The following PRDM6 variants were observed in gnomAD, a reference collection of about 807,000 sequenced individuals.
PRDM6 encodes the protein PR/SET domain 6.
A neutral mutation model predicts 60.8 loss-of-function variants in PRDM6; 25 were observed. The ratio of observed to expected loss-of-function variants is 0.41; its 90% CI spans 0.30 to 0.57. The LOEUF is 0.57. Among genes scored for constraint, PRDM6 ranks in the 20% least tolerant of loss-of-function variants. The pLI, the probability that PRDM6 is intolerant of heterozygous loss-of-function variation, is 0.27. For synonymous variants in PRDM6, 407 were observed against 357.4 expected, an observed-to-expected ratio of 1.14 and a Z score of -1.57; for missense variants, 839 against 821.3, an observed-to-expected ratio of 1.02 and a Z score of -0.26.
rs1283273363 is a variant in PRDM6, at chr5:123,157,707, T to C, written c.1028+1696T>C. On this transcript the variant is annotated intron_variant, in intron 4 of 7. Coordinates refer to ENST00000407847, the MANE Select transcript of PRDM6 (RefSeq NM_001136239.4). ...GGACCCTGAAGAGCCAGGCTAATTT[T>C]TATTGTACATGAATGTCCTCTTCAC... is the stretch of plus-strand genomic sequence containing the variant. Among the ~76,000 whole-genome samples the C allele has an allele frequency of 2.0e-5, 3 of 152,214 alleles. 1 individual carries two copies. The highest frequency in any genetic ancestry group is 7.2e-5 in the African/African-American group (3 of 41,452).
At chr5:123,182,538 G>A (rs1254395036) in intron 7 of PRDM6, among the ~76,000 whole-genome samples, 1 of 152,180 alleles carries the variant, frequency 6.6e-6, no homozygotes, top group African/African-American at 2.4e-5. Context: ...TGTTACTTAT[G>A]TGTAACCTTG....
intron 3 of PRDM6, among the ~76,000 whole-genome samples, chr5:123,146,427 C>G (rs1765240343): frequency 6.6e-6 from 1 of 152,146 alleles, no homozygotes; most frequent in African/African-American, 2.4e-5. Flanking sequence ...ATGTAACATG[C>G]AAATCCCATC....
rs552042642 is a variant in PRDM6 at position 123,174,600 on chromosome 5, C to T, written c.1496+3492C>T. On this transcript the variant is annotated intron_variant, in intron 6 of 7. Transcript: ENST00000407847. ...GGCCATGAAACCCCAGATATTTCAA[C>T]CTCCATCCAAGAGACTTTGTGTCTG... Among the ~76,000 whole-genome samples, 56 of 152,292 alleles carry T rather than the reference C, an allele frequency of 3.7e-4. 1 individual carries two copies. Among genetic ancestry groups the T allele is most frequent in the African/African-American group, 1.2e-3 (51 of 41,568 alleles).
chr5:123,089,703 G>C (rs527621037), intron 1 of PRDM6, among the ~76,000 whole-genome samples, 184 bp downstream of exon 1: 1 of 152,188 alleles, frequency 6.6e-6, no homozygotes, highest in Non-Finnish European at 1.5e-5. Flanking sequence ...CGGGGGCTGC[G>C]TCCTGCAGCC....
In PRDM6 at chr5:123,159,609, C is replaced by T. The variant is rs1354703615; in HGVS notation, c.1124C>T (p.Pro375Leu). 1.9e-6 allele frequency: 3 copies of T among 1,551,572 alleles called. No homozygotes were observed. Among genetic ancestry groups the T allele is most frequent in the Non-Finnish European group, 2.6e-6 (3 of 1,146,800 alleles). Residue 375 changes from proline (P) to leucine (L), a missense_variant, in exon 5 of 8, where the codon CCC becomes CTC. This residue lies in a region of PRDM6 where 730 missense variants were observed against 648.8 expected (regional missense o/e 1.13). Transcript: ENST00000407847. Reference protein sequence around the residue: ...NDSYTSFFGIPLQCIAQDENL... With the variant: ...NDSYTSFFGILLQCIAQDENL... ...AGCTATACGTCTTTCTTTGGGATCC[C>T]CTTACAATGCATTGCCCAGGATGAA...
intron 3 of PRDM6, among the ~76,000 whole-genome samples, chr5:123,124,130 G>A (rs962285523): frequency 6.6e-6 from 1 of 152,120 alleles, no homozygotes; most frequent in African/African-American, 2.4e-5. Context: ...AAGGCAAGTT[G>A]GGTTGGGCAT....
intron 6 of PRDM6, 119 bp from the exon 7 acceptor site, chr5:123,180,028 G>A: frequency 1.0e-6 from 1 of 991,328 alleles, no homozygotes; most frequent in Non-Finnish European, 1.5e-6. Flanking sequence ...AAAGCTCTAT[G>A]CCCTGTCTTA....
At chr5:123,183,251 G>A (rs6862375) in intron 7 of PRDM6, among the ~76,000 whole-genome samples, 2,787 of 152,268 alleles carry the variant, frequency 0.018, 78 homozygotes, top group African/African-American at 0.058. Context: ...AGATGCCCCA[G>A]ATGGCTCAGT....
At chr5:123,131,389 C>G (rs1580504173) in intron 3 of PRDM6, among the ~76,000 whole-genome samples, 1 of 152,182 alleles carries the variant, frequency 6.6e-6, no homozygotes, top group Non-Finnish European at 1.5e-5. Context: ...AGCTCAGTTA[C>G]CCATGTTTGA....
chr5:123,107,077 C>G (rs1764212330), intron 3 of PRDM6, among the ~76,000 whole-genome samples: 1 of 152,138 alleles, frequency 6.6e-6, no homozygotes, highest in African/African-American at 2.4e-5. Flanking sequence ...GCTGTGAGAG[C>G]AGGTGCAGAT....
In PRDM6 at chr5:123,100,000, G is replaced by C; in HGVS notation, c.900+39G>C. The C allele has an allele frequency of 6.8e-7, 1 of 1,463,080 alleles. No individual in the cohort carries two copies. Among genetic ancestry groups the C allele is most frequent in the Non-Finnish European group, 9.1e-7 (1 of 1,100,346 alleles). The allele number at this position is 1,463,080 out of a possible 1,614,324, so 90.6% of individuals were successfully genotyped here. The stretch of plus-strand genomic sequence containing the variant: ...TGCACAGCGCCTCCCCACCGAGCAG[G>C]AGCCTTGGCCAGCAGGGAGCCTTGG... On this transcript the variant is annotated intron_variant, in intron 3 of 7. Transcript: ENST00000407847. This position sits in a 1 kb window ranked among gnomAD's most constrained non-coding sequence, Gnocchi z 4.0.
intron 3 of PRDM6, among the ~76,000 whole-genome samples, chr5:123,122,456 A>G (rs1224963800): frequency 1.3e-5 from 2 of 152,196 alleles, no homozygotes; most frequent in Non-Finnish European, 2.9e-5. Context: ...AAGCGGGACT[A>G]ACTTCTTCTT....
rs1764051646 is a variant in PRDM6 at position 123,099,682 on chromosome 5, C to T, written c.621C>T (p.Asn207=). ...NRCDMCADNR[N]GECPMHGPLH... The stretch of plus-strand genomic sequence containing the variant: ...GCGACATGTGCGCGGACAACCGCAA[C>T]GGCGAGTGCCCTATGCATGGGCCAC... The change falls in exon 3 of 8, where the codon AAC becomes AAT. Residue 207 remains asparagine, a synonymous_variant. Coordinates refer to ENST00000407847, the MANE Select transcript of PRDM6 (RefSeq NM_001136239.4). This position sits in a 1 kb window ranked among gnomAD's most constrained non-coding sequence, Gnocchi z 4.0. The T allele has an allele frequency of 1.4e-6, 2 of 1,475,820 alleles. No homozygotes were observed. Among genetic ancestry groups the T allele is most frequent in the Non-Finnish European group, 1.8e-6 (2 of 1,110,452 alleles). The allele number at this position is 1,475,820 out of a possible 1,614,324, so 91.4% of individuals were successfully genotyped here. A position where few individuals can be genotyped will look rare whatever the true frequency, so the allele number is the denominator to read the frequency against.
chr5:123,136,918 G>C (rs946793038), intron 3 of PRDM6, among the ~76,000 whole-genome samples: 1 of 152,180 alleles, frequency 6.6e-6, no homozygotes, highest in African/African-American at 2.4e-5. Flanking sequence ...GTGGTTTGGT[G>C]GCAACAACCC....
rs1039762755 is a variant in PRDM6 at position 123,189,344 on chromosome 5, C to T, written c.*2143C>T. ...ACAGTAGGGAATCACCTGTATATTT[C>T]TAATTTTTTTTTTCATTTGAAAAAT... is the stretch of plus-strand genomic sequence containing the variant. On this transcript the variant is annotated 3_prime_UTR_variant, in exon 8 of 8. Coordinates refer to ENST00000407847, the MANE Select transcript of PRDM6 (RefSeq NM_001136239.4). 4 of 152,248 alleles carry T rather than the reference C, an allele frequency of 2.6e-5. No individual in the cohort carries two copies. The South Asian group carries it at 8.3e-4, about 32-fold the overall frequency. The allele number at this position is 152,248 out of a possible 1,614,324, so 9.4% of individuals were successfully genotyped here.
At chr5:123,111,372 A>C (rs564078102) in intron 3 of PRDM6, among the ~76,000 whole-genome samples, 1 of 152,196 alleles carries the variant, frequency 6.6e-6, no homozygotes, top group East Asian at 1.9e-4. Flanking sequence ...TTTGTTAACA[A>C]ATGTCCCAGG....
intron 7 of PRDM6, among the ~76,000 whole-genome samples, chr5:123,182,064 G>T (rs1766177606): frequency 6.6e-6 from 1 of 152,208 alleles, no homozygotes; most frequent in South Asian, 2.1e-4. Flanking sequence ...GGGCAGGATG[G>T]GGCCTAAAAT....
intron 3 of PRDM6, among the ~76,000 whole-genome samples, chr5:123,111,691 AC>A (rs202086961): frequency 2.7e-4 from 27 of 101,700 alleles, no homozygotes; most frequent in South Asian, 1.6e-3. Flanking sequence ...GAGCGAGAAA[AC>A]AAAACAAAAC....
At chr5:123,151,562 A>G (rs1312496831) in intron 3 of PRDM6, among the ~76,000 whole-genome samples, 1 of 152,106 alleles carries the variant, frequency 6.6e-6, no homozygotes, top group Admixed American at 6.5e-5. Flanking sequence ...TGCTTAGACT[A>G]CTAACTTTTG....
Sources: allele counts gnomAD v4.1 joint callset (sites outside exome capture counted in the v4.1 genomes callset), GRCh38; gene constraint gnomAD v4.1.1; regional missense constraint gnomAD v4.1.1; non-coding constraint Gnocchi (gnomAD v3.1); transcripts MANE v1.5; gene names NCBI Gene and HGNC (gene_info 2026-07-23, HGNC 2026-07-21).